Variants in FMN1 observed in about 807,000 individuals in gnomAD.
FMN1 encodes formin 1.
FMN1 carries 110 observed loss-of-function variants against 132.4 expected under a neutral mutation model. That is an observed-to-expected ratio of 0.83 (90% CI 0.71 to 0.97). The LOEUF is 0.97. FMN1 is among the 50% of genes least tolerant of loss of function. The probability of loss-of-function intolerance (pLI) is 0.00; values close to 1 mark genes in which losing one functional copy is unlikely to be tolerated. For missense variants in FMN1, 1,792 were observed against 1,705.3 expected (o/e 1.05, Z -0.90); for synonymous variants, 722 against 651.7 (o/e 1.11, Z -1.64).
chr15:32,804,218 T>C, intron 18 of FMN1, 63 bp downstream of exon 18: 1 of 1,163,268 alleles, frequency 8.6e-7, no homozygotes, highest in Non-Finnish European at 1.2e-6. Flanking sequence ...ATGCACTTCA[T>C]AATAATAATA....
At chr15:32,966,276 A>C (rs1006321444) in intron 8 of FMN1, among the ~76,000 whole-genome samples, 5 of 151,966 alleles carry the variant, frequency 3.3e-5, no homozygotes, top group Admixed American at 6.6e-5. Context: ...TGATCAGTTT[A>C]AGCACCTGAT....
At chr15:33,165,378 G>A (rs1566962567) in intron 3 of FMN1, among the ~76,000 whole-genome samples, 1 of 152,162 alleles carries the variant, frequency 6.6e-6, no homozygotes, top group Non-Finnish European at 1.5e-5. Flanking sequence ...AGAGCACAAG[G>A]GGTTTAAGTA....
chr15:33,083,178 C>A (rs1367619369), intron 5 of FMN1, among the ~76,000 whole-genome samples: 3 of 152,116 alleles, frequency 2.0e-5, no homozygotes, highest in Non-Finnish European at 2.9e-5. Flanking sequence ...ACTTCTAAAA[C>A]CCTCGTAACT....
rs537531166 is a variant in FMN1 at position 32,806,494 on chromosome 15, T to C, written c.3929-2162A>G. Among the ~76,000 whole-genome samples the C allele has an allele frequency of 3.9e-5, 6 of 152,356 alleles. No homozygotes were observed. The South Asian group carries it at 8.3e-4, about 21-fold the overall frequency. ...TACTACATTACCATAATCTTCCTCA[T>C]TGATTTTAAAATGTAAAGGCTCCCC... On this transcript the variant is annotated intron_variant, in intron 17 of 20. Coordinates refer to ENST00000616417, the MANE Select transcript of FMN1 (RefSeq NM_001277313.2).
Position 32,765,903 on chromosome 15 carries a change from T to C in FMN1, c.*8407A>G, listed in dbSNP as rs2056030724. The C allele has an allele frequency of 1.3e-5, 2 of 152,230 alleles. No homozygotes were observed. Among genetic ancestry groups the C allele is most frequent in the Non-Finnish European group, 2.9e-5 (2 of 68,038 alleles). 9.4% of individuals were successfully genotyped at this position (152,230 alleles called of 1,614,324 possible). A position where few individuals can be genotyped will look rare whatever the true frequency, so the allele number is the denominator to read the frequency against. On this transcript the variant is annotated 3_prime_UTR_variant, in exon 21 of 21. Transcript: ENST00000616417. Reference sequence around the variant, plus strand: ...TTCATTTGGTTGCAAATGACATTTATAAATTCAACTCATGAGCATTTCTCA... The same window carrying C: ...TTCATTTGGTTGCAAATGACATTTACAAATTCAACTCATGAGCATTTCTCA...
intron 5 of FMN1, among the ~76,000 whole-genome samples, chr15:33,073,435 GA>G (rs1023073036): frequency 3.9e-5 from 6 of 152,076 alleles, no homozygotes; most frequent in Non-Finnish European, 7.4e-5. Flanking sequence ...TTCTGCAGGT[GA>G]AAAAAAGTTA....
intron 6 of FMN1, among the ~76,000 whole-genome samples, chr15:33,032,877 T>C (rs1400206257): frequency 1.3e-5 from 2 of 152,154 alleles, no homozygotes; most frequent in East Asian, 1.9e-4. Context: ...TGTTTCTTCA[T>C]CTATATATGG....
At chr15:33,191,182 A>G (rs1053366980) in intron 2 of FMN1, among the ~76,000 whole-genome samples, 1 of 151,976 alleles carries the variant, frequency 6.6e-6, no homozygotes, top group Admixed American at 6.6e-5. Context: ...AAAAAAAAAA[A>G]AAGTCCTGGC....
At chr15:32,955,378 C>T (rs1320960999) in intron 9 of FMN1, among the ~76,000 whole-genome samples, 1 of 152,190 alleles carries the variant, frequency 6.6e-6, no homozygotes, top group Non-Finnish European at 1.5e-5. Context: ...AGTTCACCTT[C>T]AAAAGCATCC....
At chr15:33,018,880 C>T (rs1182355321) in intron 6 of FMN1, among the ~76,000 whole-genome samples, 1 of 152,168 alleles carries the variant, frequency 6.6e-6, no homozygotes, top group Non-Finnish European at 1.5e-5. Context: ...GTTGTTCGAT[C>T]CTCCGGTGGG....
intron 4 of FMN1, among the ~76,000 whole-genome samples, chr15:33,112,849 T>C (rs572452728): frequency 2.0e-5 from 3 of 152,286 alleles, no homozygotes; most frequent in African/African-American, 7.2e-5. Flanking sequence ...GTTATCCAAA[T>C]GTCAAGGCCT....
At chr15:32,953,631 G>GT (rs1392333388) in intron 9 of FMN1, among the ~76,000 whole-genome samples, 1 of 152,188 alleles carries the variant, frequency 6.6e-6, no homozygotes, top group Non-Finnish European at 1.5e-5. Flanking sequence ...ATCCTAGGAA[G>GT]TAAGTGGACA....
At chr15:32,912,937 G>C (rs984463621) in intron 10 of FMN1, among the ~76,000 whole-genome samples, 2 of 152,128 alleles carry the variant, frequency 1.3e-5, no homozygotes, top group Admixed American at 6.5e-5. Flanking sequence ...GTATATATGA[G>C]CTATTACTAT....
At chr15:32,874,562 T>A (rs1477506872) in intron 16 of FMN1, among the ~76,000 whole-genome samples, 2 of 152,186 alleles carry the variant, frequency 1.3e-5, no homozygotes, top group East Asian at 3.8e-4. Flanking sequence ...AAATTCTATA[T>A]ACCTTCCCTC....
Position 33,015,369 on chromosome 15 carries a change from T to G in FMN1, c.2162-7294A>C, listed in dbSNP as rs1036901231. Among the ~76,000 whole-genome samples the G allele has an allele frequency of 7.2e-5, 11 of 152,174 alleles. 1 individual carries two copies. ...AGGGGTCAGAGTGAATGGTGTGAATTTCAATGGCTGGCACCGACAAGTTCT... is the reference window on the plus strand; with the variant it reads ...AGGGGTCAGAGTGAATGGTGTGAATGTCAATGGCTGGCACCGACAAGTTCT... On this transcript the variant is annotated intron_variant, in intron 6 of 20. Transcript: ENST00000616417.
intron 16 of FMN1, among the ~76,000 whole-genome samples, chr15:32,885,564 A>C (rs763607628): frequency 6.6e-6 from 1 of 152,236 alleles, no homozygotes; most frequent in African/African-American, 2.4e-5. Flanking sequence ...TATCTGCCTC[A>C]CAAGGTCACT....
chr15:32,983,250 G>A (rs1446734230), intron 7 of FMN1, among the ~76,000 whole-genome samples: 1 of 152,154 alleles, frequency 6.6e-6, no homozygotes, highest in Admixed American at 6.5e-5. Context: ...TAAGTGAAAG[G>A]AGCTGACTCA....
chr15:32,954,642 A>T (rs953242785), intron 9 of FMN1, among the ~76,000 whole-genome samples: 2 of 152,372 alleles, frequency 1.3e-5, no homozygotes, highest in Non-Finnish European at 2.9e-5. Context: ...AATAAAATTC[A>T]GTCTTGGCCA....
intron 4 of FMN1, among the ~76,000 whole-genome samples, chr15:33,129,392 G>A (rs552787026): frequency 7.9e-5 from 12 of 152,264 alleles, no homozygotes; most frequent in African/African-American, 1.2e-4. Context: ...ATAAATAACC[G>A]TGGTAAGATT....
Sources: allele counts gnomAD v4.1 joint callset (sites outside exome capture counted in the v4.1 genomes callset), GRCh38; gene constraint gnomAD v4.1.1; transcripts MANE v1.5; gene names NCBI Gene and HGNC (gene_info 2026-07-23, HGNC 2026-07-21).